ETV1: variants seen among roughly 807,000 people sequenced by gnomAD.
The protein encoded by ETV1 is ETS variant transcription factor 1, also known as ETS translocation variant 1.
Under a neutral mutation model 62.3 loss-of-function variants are expected in ETV1, and 27 were observed. That is an observed-to-expected ratio of 0.43 (90% CI 0.32 to 0.60). The LOEUF is 0.60. Ranked by LOEUF, ETV1 falls within the 20% of genes least tolerant of loss-of-function variation. The pLI is 0.06. For synonymous variants in ETV1, 222 were observed against 199.6 expected, an observed-to-expected ratio of 1.11 and a Z score of -0.94; for missense variants, 605 against 605.8, an observed-to-expected ratio of 1.00 and a Z score of 0.01.
chr7:13,923,390 A>C (rs1562621134), intron 9 of ETV1, among the ~76,000 whole-genome samples: 1 of 152,210 alleles, frequency 6.6e-6, no homozygotes, highest in Non-Finnish European at 1.5e-5. Flanking sequence ...TAACATTTAC[A>C]ATATAAAAAC....
intron 8 of ETV1, 45 bp from the exon 9 acceptor site, chr7:13,931,794 A>C (rs889181543): frequency 6.2e-7 from 1 of 1,600,604 alleles, no homozygotes; most frequent in Non-Finnish European, 8.5e-7. Context: ...GTAACATGGA[A>C]CATTCTTTAA....
At position 13,909,619 on chromosome 7, in the gene ETV1, G is replaced by C. The variant is rs1346726031; in HGVS notation, c.940+13C>G. 6.2e-7 allele frequency: 1 copy of C among 1,606,904 alleles called. No homozygotes were observed. Among genetic ancestry groups the C allele is most frequent in the Admixed American group, 1.7e-5 (1 of 59,872 alleles). On this transcript the variant is annotated intron_variant, in intron 11 of 13. Transcript: ENST00000430479. ...TAAAAAAATCAGAACTTGAGGCAAA[G>C]TGTAAAACCTACCATCGAATTTTTC...
intron 13 of ETV1, among the ~76,000 whole-genome samples, chr7:13,898,503 C>A (rs191735532): frequency 2.7e-3 from 412 of 152,266 alleles, no homozygotes; most frequent in Non-Finnish European, 5.0e-3. Context: ...AATAGAAGTA[C>A]ACATAGGCAT....
In ETV1 at chr7:13,894,536, A is replaced by C. The variant is rs78485175; in HGVS notation, c.*1330T>G. On this transcript the variant is annotated 3_prime_UTR_variant, in exon 14 of 14. Transcript: ENST00000430479. The stretch of plus-strand genomic sequence containing the variant: ...AATTTTCCATATCACCAAAAGTTAC[A>C]AAAGGTTCCACAGTTTCCTTTAGCA... 1,914 of 232,670 alleles carry C rather than the reference A, an allele frequency of 8.2e-3. 30 individuals are homozygous for C. The highest frequency in any genetic ancestry group is 0.039 in the African/African-American group (1,770 of 45,414). The allele number at this position is 232,670 out of a possible 1,614,324, so 14.4% of individuals were successfully genotyped here.
intron 6 of ETV1, among the ~76,000 whole-genome samples, chr7:13,966,469 C>T (rs971725234): frequency 3.3e-5 from 5 of 151,742 alleles, no homozygotes; most frequent in East Asian, 1.9e-4. Context: ...CCCATCTCTA[C>T]AAAAAAATAC....
In ETV1 at chr7:13,894,127, T is replaced by C. The variant is rs1172130237; in HGVS notation, c.*1739A>G. ...TGCTCATCACGAAATGCTTTTACAA[T>C]AGGTTTATTTTGACTTTGTGTTTAG... On this transcript the variant is annotated 3_prime_UTR_variant, in exon 14 of 14. Transcript: ENST00000430479. 4.3e-6 allele frequency: 1 copy of C among 232,324 alleles called. No individual in the cohort carries two copies. Among genetic ancestry groups the C allele is most frequent in the South Asian group, 1.8e-4 (1 of 5,514 alleles). The allele number at this position is 232,324 out of a possible 1,614,324, so 14.4% of individuals were successfully genotyped here.
In ETV1 at chr7:13,930,870, G is replaced by A. The variant is rs202049480; in HGVS notation, c.802+632C>T. On this transcript the variant is annotated intron_variant, in intron 9 of 13. Transcript: ENST00000430479. ...GGCTGGAGTGCAGTGGTGCGATCTC[G>A]GCTCACTGCAACCTCTGCCTCCCGG... is the stretch of plus-strand genomic sequence containing the variant. Among the ~76,000 whole-genome samples the A allele has an allele frequency of 1.5e-3, 222 of 151,576 alleles. 6 individuals are homozygous for A. The East Asian group carries it at 0.035, about 24-fold the overall frequency.
rs531314321 is a variant in ETV1, at chr7:13,909,168, C to T, written c.940+464G>A. The stretch of plus-strand genomic sequence containing the variant: ...AAAAAAAAAAAGGGACTAACAATCA[C>T]TAACTAAATGGGCAGTTATGTTGTT... On this transcript the variant is annotated intron_variant, in intron 11 of 13. Coordinates refer to ENST00000430479, the MANE Select transcript of ETV1 (RefSeq NM_004956.5). Among the ~76,000 whole-genome samples, 6 of 148,240 alleles carry T rather than the reference C, an allele frequency of 4.0e-5. No individual in the cohort carries two copies. In the South Asian group the frequency reaches 1.3e-3, roughly 32 times the overall value.
chr7:13,910,896 T>G (rs962509934), intron 10 of ETV1, among the ~76,000 whole-genome samples: 1 of 152,178 alleles, frequency 6.6e-6, no homozygotes, highest in Non-Finnish European at 1.5e-5. Context: ...TGACTAGGTC[T>G]GTAAAAGCAA....
intron 6 of ETV1, among the ~76,000 whole-genome samples, chr7:13,940,275 T>C (rs1046502758): frequency 6.6e-6 from 1 of 151,508 alleles, no homozygotes; most frequent in Non-Finnish European, 1.5e-5. Context: ...GGCGGGAGAA[T>C]TGCTTGAACC....
intron 12 of ETV1, among the ~76,000 whole-genome samples, chr7:13,904,029 G>T (rs988129162): frequency 3.3e-5 from 5 of 152,022 alleles, no homozygotes; most frequent in African/African-American, 1.2e-4. Context: ...CATCTTTCAC[G>T]GACTGTGCTG....
intron 6 of ETV1, among the ~76,000 whole-genome samples, chr7:13,966,081 T>C (rs552927426): frequency 6.6e-6 from 1 of 152,142 alleles, no homozygotes; most frequent in Non-Finnish European, 1.5e-5. Flanking sequence ...CTGACTAAGA[T>C]AATCAAGGGA....
Position 13,894,894 on chromosome 7 carries a change from A to T in ETV1, c.*972T>A, listed in dbSNP as rs533751612. 8 of 232,772 alleles carry T rather than the reference A, an allele frequency of 3.4e-5. No individual in the cohort carries two copies. Among genetic ancestry groups the T allele is most frequent in the Non-Finnish European group, 6.8e-5 (8 of 117,658 alleles). The allele number at this position is 232,772 out of a possible 1,614,324, so 14.4% of individuals were successfully genotyped here. A position where few individuals can be genotyped will look rare whatever the true frequency, so the allele number is the denominator to read the frequency against. ...TTAGTGTATTGGATATTTTTCTTAA[A>T]GAGTGTTTGCTGTAACTAGAACAGC... is the stretch of plus-strand genomic sequence containing the variant. On this transcript the variant is annotated 3_prime_UTR_variant, in exon 14 of 14. Transcript: ENST00000430479.
At chr7:13,975,285 A>G (rs1315193046) in intron 6 of ETV1, among the ~76,000 whole-genome samples, 5 of 151,970 alleles carry the variant, frequency 3.3e-5, no homozygotes, top group South Asian at 4.1e-4. Flanking sequence ...AGGGGCTCAC[A>G]CCTGTGATCC....
At chr7:13,934,619 C>T (rs1033456531) in intron 8 of ETV1, among the ~76,000 whole-genome samples, 3 of 152,106 alleles carry the variant, frequency 2.0e-5, no homozygotes, top group East Asian at 1.9e-4. Context: ...ACTTCACAAT[C>T]AAAAAATATG....
chr7:13,910,936 G>A (rs1783495793), intron 10 of ETV1, among the ~76,000 whole-genome samples: 1 of 152,158 alleles, frequency 6.6e-6, no homozygotes, highest in African/African-American at 2.4e-5. Context: ...ATACATTTCA[G>A]TAGTAGTAAA....
upstream of ETV1, chr7:13,990,375 G>C (rs1231087116): frequency 2.6e-5 from 4 of 152,218 alleles, no homozygotes; most frequent in Non-Finnish European, 5.9e-5. Context: ...AACAGAGCAA[G>C]CTAGGTGAAA....
At chr7:13,964,243 C>G (rs1262438693) in intron 6 of ETV1, among the ~76,000 whole-genome samples, 1 of 152,150 alleles carries the variant, frequency 6.6e-6, no homozygotes, top group African/African-American at 2.4e-5. Flanking sequence ...AGAGGAAAAG[C>G]TAACACTACT....
chr7:13,948,494 T>C (rs1229600731), intron 6 of ETV1, among the ~76,000 whole-genome samples: 1 of 152,220 alleles, frequency 6.6e-6, no homozygotes, highest in Non-Finnish European at 1.5e-5. Context: ...TGTTTTAGAA[T>C]AGTCTTCTGT....
Sources: gnomAD v4.1 joint callset for allele counts (sites outside exome capture counted in the v4.1 genomes callset) on GRCh38, gnomAD v4.1.1 for gene constraint, MANE v1.5 for transcripts, NCBI Gene and HGNC (gene_info 2026-07-23, HGNC 2026-07-21) for gene names.